NCKAP5: variants seen among roughly 807,000 people sequenced by gnomAD.
NCKAP5 encodes nck-associated protein 5.
A neutral mutation model predicts 167.0 loss-of-function variants in NCKAP5; 92 were observed. The ratio of observed to expected loss-of-function variants is 0.55; its 90% CI spans 0.47 to 0.66. The LOEUF is 0.66. Ranked by LOEUF, NCKAP5 falls within the 30% of genes least tolerant of loss-of-function variation. The pLI is 0.00. For synonymous variants in NCKAP5, 891 were observed against 877.4 expected (o/e 1.02, Z -0.27); for missense variants, 2,378 against 2,315.0 (o/e 1.03, Z -0.56).
At chr2:133,523,104 TC>T (rs1684606834) in intron 2 of NCKAP5, among the ~76,000 whole-genome samples, 1 of 116,236 alleles carries the variant, frequency 8.6e-6, no homozygotes, top group South Asian at 3.0e-4. Flanking sequence ...CCTTAATAAC[TC>T]TTTTTTTTTT....
At chr2:133,246,649 A>ATG (rs140624088) in intron 4 of NCKAP5, among the ~76,000 whole-genome samples, 6 of 151,946 alleles carry the variant, frequency 3.9e-5, no homozygotes, top group Non-Finnish European at 8.8e-5. Flanking sequence ...TGTGATTTAC[A>ATG]TGTGTGTGTG....
chr2:133,369,636 TA>T (rs1685673565), intron 3 of NCKAP5, among the ~76,000 whole-genome samples: 1 of 152,270 alleles, frequency 6.6e-6, no homozygotes, highest in African/African-American at 2.4e-5. Flanking sequence ...ACAGGGGGAT[TA>T]AAAATAGGGA....
intron 3 of NCKAP5, among the ~76,000 whole-genome samples, chr2:133,342,040 G>A (rs1296458774): frequency 6.6e-6 from 1 of 152,118 alleles, no homozygotes; most frequent in Non-Finnish European, 1.5e-5. Context: ...CCGGGTTCAC[G>A]CCATTCTCCT....
chr2:132,986,196 G>C (rs2077282210), intron 7 of NCKAP5, among the ~76,000 whole-genome samples: 1 of 152,186 alleles, frequency 6.6e-6, no homozygotes, highest in African/African-American at 2.4e-5. Context: ...GGTGTTGTGT[G>C]TATAAAAATC....
At chr2:133,018,657 G>A (rs1234947503) in intron 6 of NCKAP5, among the ~76,000 whole-genome samples, 1 of 152,176 alleles carries the variant, frequency 6.6e-6, no homozygotes, top group Non-Finnish European at 1.5e-5. Context: ...TTGCCTAAGT[G>A]CTCCAGAAAT....
chr2:133,175,525 T>A (rs1286432982), intron 5 of NCKAP5, among the ~76,000 whole-genome samples: 2 of 152,228 alleles, frequency 1.3e-5, no homozygotes. Context: ...TGATTTGAAG[T>A]AACAGATTTT....
chr2:133,377,712 G>C (rs904488363), intron 3 of NCKAP5, among the ~76,000 whole-genome samples: 2 of 152,182 alleles, frequency 1.3e-5, no homozygotes, highest in Admixed American at 1.3e-4. Flanking sequence ...AAAGCAGTGT[G>C]ACATTTAGAA....
chr2:133,066,743 G>C (rs1369548833), intron 6 of NCKAP5, among the ~76,000 whole-genome samples: 1 of 152,166 alleles, frequency 6.6e-6, no homozygotes, highest in Non-Finnish European at 1.5e-5. Flanking sequence ...AAAAATTTTT[G>C]CAATGGTTAT....
chr2:132,694,135 A>ATTTT (rs1290386933), intron 19 of NCKAP5, among the ~76,000 whole-genome samples: 3 of 149,840 alleles, frequency 2.0e-5, no homozygotes, highest in East Asian at 1.9e-4. Flanking sequence ...TTATTTATTT[A>ATTTT]TTTTTTGAAT....
intron 3 of NCKAP5, among the ~76,000 whole-genome samples, chr2:133,420,352 T>A (rs563606398): frequency 6.6e-6 from 1 of 152,056 alleles, no homozygotes; most frequent in Non-Finnish European, 1.5e-5. Flanking sequence ...AAGAAACGAG[T>A]TGCAAGCCAC....
intron 3 of NCKAP5, among the ~76,000 whole-genome samples, chr2:133,309,174 A>G (rs1681053178): frequency 6.6e-6 from 1 of 152,170 alleles, no homozygotes; most frequent in African/African-American, 2.4e-5. Flanking sequence ...TGGTAATATT[A>G]TGGGCTAATT....
At chr2:132,845,137 T>C (rs1358409396) in intron 11 of NCKAP5, among the ~76,000 whole-genome samples, 1 of 152,182 alleles carries the variant, frequency 6.6e-6, no homozygotes, top group Non-Finnish European at 1.5e-5. Context: ...TAACTGTTTC[T>C]ACTCTTGTCT....
At chr2:133,234,395 T>A (rs1232577691) in intron 4 of NCKAP5, among the ~76,000 whole-genome samples, 1 of 152,290 alleles carries the variant, frequency 6.6e-6, no homozygotes, top group Non-Finnish European at 1.5e-5. Flanking sequence ...TTAAACAAAA[T>A]GTACTAGTGT....
intron 3 of NCKAP5, among the ~76,000 whole-genome samples, chr2:133,308,671 G>A (rs1291407616): frequency 5.8e-5 from 6 of 102,724 alleles, no homozygotes; most frequent in South Asian, 6.7e-4. Flanking sequence ...TGCTTTTTTC[G>A]TTTGAAGAAA....
At chr2:132,921,399 C>G (rs1695420852) in intron 8 of NCKAP5, among the ~76,000 whole-genome samples, 1 of 152,126 alleles carries the variant, frequency 6.6e-6, no homozygotes, top group African/African-American at 2.4e-5. Flanking sequence ...TAACTTTTTT[C>G]TTTATTGTAA....
chr2:132,990,291 AAT>A (rs2077413001), intron 7 of NCKAP5, among the ~76,000 whole-genome samples: 1 of 152,144 alleles, frequency 6.6e-6, no homozygotes, highest in Non-Finnish European at 1.5e-5. Flanking sequence ...TACGTTGTTG[AAT>A]ATATATGATT....
chr2:133,019,404 G>C (rs537315765), intron 6 of NCKAP5, among the ~76,000 whole-genome samples: 10 of 152,166 alleles, frequency 6.6e-5, no homozygotes, highest in Non-Finnish European at 1.5e-4. Flanking sequence ...GGAAGGAAAA[G>C]TGGGGAATGA....
chr2:133,300,884 C>T (rs368361094), intron 4 of NCKAP5, among the ~76,000 whole-genome samples: 2 of 70,142 alleles, frequency 2.9e-5, no homozygotes, highest in African/African-American at 1.4e-4. Context: ...AAAACCCCAT[C>T]GTCTCAGCCC....
At chr2:133,076,463 TC>T (rs1453899943) in intron 6 of NCKAP5, among the ~76,000 whole-genome samples, 2 of 151,928 alleles carry the variant, frequency 1.3e-5, no homozygotes, top group African/African-American at 4.8e-5. Context: ...ACACGATCCA[TC>T]CTACGTATGA....
Sources: gnomAD v4.1 joint callset for allele counts (sites outside exome capture counted in the v4.1 genomes callset) on GRCh38, gnomAD v4.1.1 for gene constraint, MANE v1.5 for transcripts, NCBI Gene and HGNC (gene_info 2026-07-23, HGNC 2026-07-21) for gene names.